Variants in CBFA2T2 observed in about 807,000 individuals in gnomAD.
CBFA2T2 encodes the protein CBFA2/RUNX1 partner transcriptional co-repressor 2.
In CBFA2T2, 11 loss-of-function variants were observed where a neutral mutation model predicts 62.2. That is an observed-to-expected ratio of 0.18 (90% CI 0.11 to 0.29). The LOEUF (loss-of-function observed/expected upper bound fraction) is 0.29. CBFA2T2 is among the 10% of genes least tolerant of loss of function. CBFA2T2 has a pLI of 1.00. For synonymous variants in CBFA2T2, 295 were observed against 287.5 expected, an observed-to-expected ratio of 1.03 and a Z score of -0.27; for missense variants, 592 against 774.1, an observed-to-expected ratio of 0.76 and a Z score of 2.79.
chr20:33,613,434 A>T (rs1295895142), intron 3 of CBFA2T2, among the ~76,000 whole-genome samples: 1 of 152,204 alleles, frequency 6.6e-6, no homozygotes, highest in African/African-American at 2.4e-5. Flanking sequence ...AGTCTGGAGG[A>T]ACCCATCTGC....
intron 1 of CBFA2T2, among the ~76,000 whole-genome samples, chr20:33,523,455 TAATTA>T (rs1265205106): frequency 1.3e-5 from 2 of 151,962 alleles, no homozygotes; most frequent in Non-Finnish European, 2.9e-5. Flanking sequence ...GAGTCTATCT[TAATTA>T]AATAATAAAG....
At chr20:33,497,547 C>CTTTTTTTTT (rs756491939) in intron 1 of CBFA2T2, among the ~76,000 whole-genome samples, 1 of 114,646 alleles carries the variant, frequency 8.7e-6, no homozygotes, top group Non-Finnish European at 1.7e-5. Context: ...AGCTTGTATA[C>CTTTTTTTTT]TTTTTTTTTT....
In CBFA2T2 at chr20:33,623,188, T is replaced by A; in HGVS notation, c.584T>A (p.Leu195Gln). Residue 195 changes from leucine to glutamine, a missense_variant, in exon 5 of 11, where the codon CTG becomes CAG. Leu to Gln is a moderately radical substitution (Grantham distance 113). Around this residue, in one of 3 missense-constraint regions of CBFA2T2, gnomAD observed 449 missense variants for 551.2 expected, o/e 0.81. Coordinates refer to ENST00000342704, the MANE Select transcript of CBFA2T2 (RefSeq NM_001032999.3). ...RAAKQTPSQY[L>Q]AQHEHLLLNT... ...GCCAAGCAGACCCCATCCCAGTACC[T>A]GGCTCAGCACGAACACCTTCTGCTC... The A allele has an allele frequency of 6.2e-7, 1 of 1,614,250 alleles. No homozygotes were observed. The highest frequency in any genetic ancestry group is 8.5e-7 in the Non-Finnish European group (1 of 1,180,036).
chr20:33,633,584 T>C (rs188502965), intron 8 of CBFA2T2, among the ~76,000 whole-genome samples: 2 of 152,278 alleles, frequency 1.3e-5, no homozygotes, highest in Admixed American at 1.3e-4. Context: ...ACAAATAGAT[T>C]TTGTTCAGAC....
intron 1 of CBFA2T2, among the ~76,000 whole-genome samples, chr20:33,501,150 G>A (rs1157896714): frequency 6.6e-6 from 1 of 152,158 alleles, no homozygotes; most frequent in African/African-American, 2.4e-5. Flanking sequence ...TGAATTTATA[G>A]CTTTGGAGTT....
Position 33,644,607 on chromosome 20 carries a change from A to G in CBFA2T2, c.1749A>G (p.Thr583=). The G allele has an allele frequency of 1.9e-6, 3 of 1,610,794 alleles. No homozygotes were observed. Among genetic ancestry groups the G allele is most frequent in the Non-Finnish European group, 2.5e-6 (3 of 1,177,366 alleles). ...CGGCAACCACATCGCGTTCCTCAAC[A>G]CCTGCTTCTGTGACAGCTATCGACA... is the stretch of plus-strand genomic sequence containing the variant. ...KTSATTSRSS[T]PASVTAIDTN... Residue 583 remains threonine, a synonymous_variant, in exon 11 of 11, where the codon ACA becomes ACG. Transcript: ENST00000342704.
chr20:33,648,689 CAG>C lies in CBFA2T2; in HGVS notation c.*4044_*4045del, dbSNP rs2017139420. The C allele has an allele frequency of 6.6e-6, 1 of 152,220 alleles. No individual in the cohort carries two copies. The highest frequency in any genetic ancestry group is 2.4e-5 in the African/African-American group (1 of 41,454). 9.4% of individuals were successfully genotyped at this position (152,220 alleles called of 1,614,324 possible). On this transcript the variant is annotated 3_prime_UTR_variant, in exon 11 of 11. Coordinates refer to ENST00000342704, the MANE Select transcript of CBFA2T2 (RefSeq NM_001032999.3). ...TGGGTTAGAAATGTCTGTCTGGAAA[CAG>C]GACACATCTTGCCACCACAAGTCCA... is the stretch of plus-strand genomic sequence containing the variant.
chr20:33,581,035 G>GTCCA (rs2014088597), intron 1 of CBFA2T2, among the ~76,000 whole-genome samples: 1 of 149,004 alleles, frequency 6.7e-6, no homozygotes, highest in African/African-American at 2.5e-5. Flanking sequence ...TCCCCGTCCT[G>GTCCA]TCCATCCATC....
In CBFA2T2 at chr20:33,606,948, C is replaced by T; in HGVS notation, c.35-8C>T. 6.2e-7 allele frequency: 1 copy of T among 1,611,752 alleles called. No individual in the cohort carries two copies. Among genetic ancestry groups the T allele is most frequent in the Non-Finnish European group, 8.5e-7 (1 of 1,178,746 alleles). On this transcript the variant is annotated splice_region_variant and splice_polypyrimidine_tract_variant and intron_variant, in intron 1 of 10. Coordinates refer to ENST00000342704, the MANE Select transcript of CBFA2T2 (RefSeq NM_001032999.3). ...AACCCTAACCTCCATTTCTCTGATT[C>T]TCTGCAGTTGGTCCTGAGAAAAGGG...
At chr20:33,561,233 C>CA (rs1250810696) in intron 1 of CBFA2T2, among the ~76,000 whole-genome samples, 1 of 152,050 alleles carries the variant, frequency 6.6e-6, no homozygotes, top group Non-Finnish European at 1.5e-5. Flanking sequence ...AGGCTGATCT[C>CA]AAACGCCTGA....
At chr20:33,562,451 G>A in intron 1 of CBFA2T2, 1 of 985,852 alleles carries the variant, frequency 1.0e-6, no homozygotes, top group Non-Finnish European at 1.2e-6. Context: ...TTCCCATCTG[G>A]GATCCATCTG....
intron 1 of CBFA2T2, among the ~76,000 whole-genome samples, chr20:33,568,671 T>G (rs2013435837): frequency 6.6e-6 from 1 of 152,188 alleles, no homozygotes; most frequent in African/African-American, 2.4e-5. Flanking sequence ...TCATTGTTTC[T>G]GTAGGAAATT....
At chr20:33,627,954 T>G (rs1422462779) in intron 6 of CBFA2T2, among the ~76,000 whole-genome samples, 1 of 152,232 alleles carries the variant, frequency 6.6e-6, no homozygotes, top group African/African-American at 2.4e-5. Context: ...TTAAGCTGTT[T>G]CCAAGTGGTT....
At position 33,607,113 on chromosome 20, in the gene CBFA2T2, G is replaced by C. The variant is rs2015370046; in HGVS notation, c.178+14G>C. 1 of 1,609,646 alleles carries C rather than the reference G, an allele frequency of 6.2e-7. No homozygotes were observed. The highest frequency in any genetic ancestry group is 8.5e-7 in the Non-Finnish European group (1 of 1,176,972). On this transcript the variant is annotated intron_variant, in intron 2 of 10. Transcript: ENST00000342704. The stretch of plus-strand genomic sequence containing the variant: ...CTCCTACTGCATGTGAGACCTCTTA[G>C]TTACTTATGTTTGTAGTTCAGAGTG...
chr20:33,514,582 C>T (rs78896063), intron 1 of CBFA2T2, among the ~76,000 whole-genome samples: 239 of 151,998 alleles, frequency 1.6e-3, no homozygotes, highest in Middle Eastern at 3.4e-3. Flanking sequence ...GAGCACACAG[C>T]GCATTTGGGG....
chr20:33,618,213 G>A (rs550128400), intron 3 of CBFA2T2, among the ~76,000 whole-genome samples: 8 of 149,174 alleles, frequency 5.4e-5, no homozygotes, highest in African/African-American at 9.9e-5. Flanking sequence ...TTGTGATAGC[G>A]TGGGGGTAAG....
At chr20:33,514,971 C>G (rs1394808944) in intron 1 of CBFA2T2, among the ~76,000 whole-genome samples, 1 of 151,696 alleles carries the variant, frequency 6.6e-6, no homozygotes, top group Non-Finnish European at 1.5e-5. Flanking sequence ...GGATTACAGG[C>G]GTGAGCCACT....
intron 1 of CBFA2T2, among the ~76,000 whole-genome samples, chr20:33,526,118 G>C (rs2011878330): frequency 6.6e-6 from 1 of 151,704 alleles, no homozygotes; most frequent in Non-Finnish European, 1.5e-5. Flanking sequence ...TGTTTGACAT[G>C]TTAATGAATC....
intron 1 of CBFA2T2, among the ~76,000 whole-genome samples, chr20:33,591,443 C>T: frequency 6.9e-6 from 1 of 143,976 alleles, no homozygotes; most frequent in African/African-American, 2.6e-5. Flanking sequence ...TACTGCACTC[C>T]AGCCTGAGCA....
Sources: allele counts gnomAD v4.1 joint callset (sites outside exome capture counted in the v4.1 genomes callset), GRCh38; gene constraint gnomAD v4.1.1; regional missense constraint gnomAD v4.1.1; transcripts MANE v1.5; gene names NCBI Gene and HGNC (gene_info 2026-07-23, HGNC 2026-07-21).